DOK6: variants seen among roughly 807,000 people sequenced by gnomAD.
DOK6 encodes the protein downstream of tyrosine kinase 6.
DOK6 carries 22 observed loss-of-function variants against 44.0 expected under a neutral mutation model. The observed-to-expected ratio is 0.50, with a 90% CI of 0.36 to 0.71. The LOEUF is 0.71. Ranked by LOEUF, DOK6 falls within the 30% of genes least tolerant of loss-of-function variation. DOK6 has a pLI of 0.00. For synonymous variants in DOK6, 166 were observed against 145.5 expected, an observed-to-expected ratio of 1.14 and a Z score of -1.01; for missense variants, 340 against 416.4, an observed-to-expected ratio of 0.82 and a Z score of 1.60.
chr18:69,773,166 G>A (rs1340615075), intron 7 of DOK6, among the ~76,000 whole-genome samples: 1 of 151,878 alleles, frequency 6.6e-6, no homozygotes, highest in Non-Finnish European at 1.5e-5. Context: ...TTGCTAGGAT[G>A]GCTAATTATC....
chr18:69,479,051 G>T (rs980065067), intron 1 of DOK6, among the ~76,000 whole-genome samples: 1 of 151,960 alleles, frequency 6.6e-6, no homozygotes, highest in African/African-American at 2.4e-5. Flanking sequence ...TTTCTTGAGT[G>T]CTCAGCACAC....
At chr18:69,515,430 G>A (rs776989094) in intron 1 of DOK6, among the ~76,000 whole-genome samples, 2 of 152,026 alleles carry the variant, frequency 1.3e-5, no homozygotes, top group Non-Finnish European at 2.9e-5. Context: ...CTGTTGCTTC[G>A]TCGGTCATCT....
intron 7 of DOK6, among the ~76,000 whole-genome samples, chr18:69,825,363 C>T (rs1214668700): frequency 6.6e-6 from 1 of 151,720 alleles, no homozygotes; most frequent in African/African-American, 2.4e-5. Context: ...CATTAGCCAA[C>T]CCATTGTCAC....
At chr18:69,737,742 C>T (rs1163279085) in intron 5 of DOK6, among the ~76,000 whole-genome samples, 1 of 152,146 alleles carries the variant, frequency 6.6e-6, no homozygotes, top group Non-Finnish European at 1.5e-5. Context: ...AGCATGCAAG[C>T]TCTTGCGCGG....
chr18:69,505,490 TC>T (rs369865755), intron 1 of DOK6, among the ~76,000 whole-genome samples: 4 of 126,614 alleles, frequency 3.2e-5, no homozygotes, highest in East Asian at 2.9e-4. Context: ...ATACTCCCAT[TC>T]TTTTTTTTTT....
At chr18:69,682,385 G>T (rs1986064343) in intron 4 of DOK6, among the ~76,000 whole-genome samples, 2 of 152,138 alleles carry the variant, frequency 1.3e-5, no homozygotes, top group South Asian at 4.1e-4. Flanking sequence ...TCGTTGTTCA[G>T]GCACAGGTAA....
rs1372966238 is a variant in DOK6 at position 69,409,275 on chromosome 18, C to G, written c.66+7965C>G. On this transcript the variant is annotated intron_variant, in intron 1 of 7. Transcript: ENST00000382713. ...TAAACCTCTTTCCTTTATAAATTAC[C>G]CAGTCTCTGGTATGTTCTTACAGCA... 2.6e-5 allele frequency among the ~76,000 whole-genome samples: 4 copies of G among 152,150 alleles called. No homozygotes were observed. The South Asian group carries it at 8.3e-4, about 32-fold the overall frequency.
chr18:69,521,305 G>C (rs1051966473), intron 1 of DOK6, among the ~76,000 whole-genome samples: 1 of 151,500 alleles, frequency 6.6e-6, no homozygotes, highest in Non-Finnish European at 1.5e-5. Flanking sequence ...TTGTAATCTC[G>C]ATCATCAAGG....
intron 5 of DOK6, among the ~76,000 whole-genome samples, chr18:69,703,180 T>TTA (rs963989091): frequency 3.9e-5 from 6 of 152,210 alleles, no homozygotes; most frequent in Non-Finnish European, 5.9e-5. Context: ...AAGCAAGGGT[T>TTA]TATATAGACC....
At chr18:69,405,742 G>A (rs893521763) in intron 1 of DOK6, among the ~76,000 whole-genome samples, 3 of 151,982 alleles carry the variant, frequency 2.0e-5, no homozygotes, top group Non-Finnish European at 4.4e-5. Context: ...ATCTTGCATG[G>A]CATGCATTAC....
At chr18:69,726,740 A>C (rs1369874478) in intron 5 of DOK6, among the ~76,000 whole-genome samples, 1 of 151,208 alleles carries the variant, frequency 6.6e-6, no homozygotes, top group Non-Finnish European at 1.5e-5. Context: ...ATGCCACCAG[A>C]TTTGGTGTCT....
intron 5 of DOK6, among the ~76,000 whole-genome samples, chr18:69,710,054 C>G (rs1986723157): frequency 6.6e-6 from 1 of 152,116 alleles, no homozygotes; most frequent in African/African-American, 2.4e-5. Context: ...TGGTGTGCAC[C>G]TTTAGTCCCA....
intron 7 of DOK6, among the ~76,000 whole-genome samples, chr18:69,838,014 G>A (rs893080418): frequency 4.6e-5 from 7 of 152,214 alleles, no homozygotes; most frequent in South Asian, 2.1e-4. Flanking sequence ...CTTTCCTGTG[G>A]AGCCTGGAAT....
intron 1 of DOK6, among the ~76,000 whole-genome samples, chr18:69,406,428 C>T (rs545831680): frequency 6.6e-6 from 1 of 152,266 alleles, no homozygotes; most frequent in South Asian, 2.1e-4. Flanking sequence ...AAACCAAATA[C>T]AGACATTGTG....
intron 2 of DOK6, among the ~76,000 whole-genome samples, chr18:69,582,770 C>G (rs1200210242): frequency 6.6e-6 from 1 of 152,124 alleles, no homozygotes; most frequent in Non-Finnish European, 1.5e-5. Flanking sequence ...TTCTTGTACA[C>G]TTACTGCATT....
intron 1 of DOK6, among the ~76,000 whole-genome samples, chr18:69,533,266 A>T (rs1177463581): frequency 6.6e-6 from 1 of 152,102 alleles, no homozygotes; most frequent in East Asian, 1.9e-4. Flanking sequence ...TAATAACATA[A>T]CTCCAGTATT....
In DOK6 at chr18:69,446,095, T is replaced by G. The variant is rs565709135; in HGVS notation, c.66+44785T>G. 2.6e-5 allele frequency among the ~76,000 whole-genome samples: 4 copies of G among 152,200 alleles called. 1 individual carries two copies. In the South Asian group the frequency reaches 8.3e-4, roughly 32 times the overall value. Reference sequence around the variant, plus strand: ...ATTATACTTTAAGTTCTAGGGTACATGTGCACAACGTGCACGTTTGTTACA... The same window carrying G: ...ATTATACTTTAAGTTCTAGGGTACAGGTGCACAACGTGCACGTTTGTTACA... On this transcript the variant is annotated intron_variant, in intron 1 of 7. Transcript: ENST00000382713.
chr18:69,610,090 C>A (rs1384820566), intron 3 of DOK6, among the ~76,000 whole-genome samples: 2 of 152,146 alleles, frequency 1.3e-5, no homozygotes, highest in Admixed American at 1.3e-4. Flanking sequence ...TACAACATGG[C>A]ACCTCTATTC....
intron 1 of DOK6, among the ~76,000 whole-genome samples, chr18:69,468,406 A>C (rs1159270994): frequency 6.6e-6 from 1 of 152,210 alleles, no homozygotes; most frequent in Non-Finnish European, 1.5e-5. Context: ...ATGTGTAACT[A>C]TTATGTACCC....
Sources: allele counts gnomAD v4.1 joint callset (sites outside exome capture counted in the v4.1 genomes callset), GRCh38; gene constraint gnomAD v4.1.1; transcripts MANE v1.5; gene names NCBI Gene and HGNC (gene_info 2026-07-23, HGNC 2026-07-21).